The following ICA1L variants were observed in gnomAD, a reference collection of about 807,000 sequenced individuals.
ICA1L encodes the protein islet cell autoantigen 1-like protein.
In ICA1L, 50 loss-of-function variants were observed where a neutral mutation model predicts 61.3. The ratio of observed to expected loss-of-function variants is 0.82; its 90% CI spans 0.65 to 1.03. The LOEUF is 1.03. ICA1L is among the 50% of genes least tolerant of loss of function. The probability of loss-of-function intolerance (pLI) is 0.00; values close to 1 mark genes in which losing one functional copy is unlikely to be tolerated. For missense variants in ICA1L, 508 were observed against 556.7 expected, an observed-to-expected ratio of 0.91 and a Z score of 0.88; for synonymous variants, 161 against 191.3, an observed-to-expected ratio of 0.84 and a Z score of 1.31.
chr2:202,822,802 C>T (rs1693735000), intron 3 of ICA1L, among the ~76,000 whole-genome samples: 1 of 152,194 alleles, frequency 6.6e-6, no homozygotes, highest in African/African-American at 2.4e-5. Context: ...ACCCCTGTCC[C>T]CGCTGCCATG....
intron 1 of ICA1L, among the ~76,000 whole-genome samples, chr2:202,861,776 T>C (rs1694922357): frequency 1.3e-5 from 2 of 148,820 alleles, no homozygotes; most frequent in South Asian, 2.1e-4. Flanking sequence ...TCCCAGCTAC[T>C]GGGAAGGCTG....
At chr2:202,852,948 G>A (rs1314993019) in intron 1 of ICA1L, among the ~76,000 whole-genome samples, 1 of 151,766 alleles carries the variant, frequency 6.6e-6, no homozygotes, top group Non-Finnish European at 1.5e-5. Flanking sequence ...ACAAGAAATG[G>A]GGAAAGGAGT....
chr2:202,853,354 CA>C (rs565006368), intron 1 of ICA1L, among the ~76,000 whole-genome samples: 12,847 of 94,318 alleles, frequency 0.14, 603 homozygotes, highest in Middle Eastern at 0.19. Flanking sequence ...GAGACTCCGT[CA>C]AAAAAAAAAA....
intron 1 of ICA1L, among the ~76,000 whole-genome samples, chr2:202,863,857 G>A (rs931984875): frequency 4.0e-5 from 6 of 150,092 alleles, no homozygotes; most frequent in South Asian, 4.2e-4. Context: ...AAGAAGGAAC[G>A]TCACTATAGA....
chr2:202,841,733 C>T, intron 1 of ICA1L: 2 of 500,210 alleles, frequency 4.0e-6, no homozygotes, highest in Non-Finnish European at 7.8e-6. Flanking sequence ...GCCAGAGGAC[C>T]ACCTCTGGTG....
At chr2:202,789,561 C>T in intron 10 of ICA1L, among the ~76,000 whole-genome samples, 2 of 152,146 alleles carry the variant, frequency 1.3e-5, no homozygotes, top group South Asian at 4.1e-4. Context: ...TATACTAAGG[C>T]ACACACACAC....
chr2:202,789,084 GC>G lies in ICA1L; in HGVS notation c.988del (p.Ala330GlnfsTer6). 6.2e-7 allele frequency: 1 copy of G among 1,605,018 alleles called. No individual in the cohort carries two copies. On this transcript the variant is annotated frameshift_variant and splice_region_variant, in exon 11 of 13. Coordinates refer to ENST00000358299, the MANE Select transcript of ICA1L (RefSeq NM_001288622.3). LOFTEE classifies it high-confidence loss of function. ...CAATGAATCTACAGGTAGATCTTTTGCAACTATTGAGTGTAAATAAAAACAG... is the reference window on the plus strand; with the variant it reads ...CAATGAATCTACAGGTAGATCTTTTGAACTATTGAGTGTAAATAAAAACAG... ...APQFSNSENV[A>X]KDLPVDSLEG...
rs918201865 is a variant in ICA1L, at chr2:202,849,230, T to A, written c.-7-20214A>T. Among the ~76,000 whole-genome samples the A allele has an allele frequency of 1.3e-5, 2 of 150,294 alleles. No individual in the cohort carries two copies. The highest frequency in any genetic ancestry group is 3.0e-5 in the Non-Finnish European group (2 of 67,580). On this transcript the variant is annotated intron_variant, in intron 1 of 12. Transcript: ENST00000358299. This position sits in a 1 kb window ranked among gnomAD's most constrained non-coding sequence, Gnocchi z 4.5. ...CAGACACCGAGCTAGCTGCAGGAGG[T>A]TTTTGTTTTTGTTTTTGTACCCCAG... is the stretch of plus-strand genomic sequence containing the variant.
At chr2:202,828,172 G>A (rs1380997126) in intron 2 of ICA1L, among the ~76,000 whole-genome samples, 4 of 151,150 alleles carry the variant, frequency 2.6e-5, no homozygotes, top group Non-Finnish European at 5.9e-5. Flanking sequence ...GCTGAGGCAG[G>A]AGAATCCCTT....
intron 2 of ICA1L, among the ~76,000 whole-genome samples, chr2:202,826,789 A>G (rs1279037090): frequency 6.6e-6 from 1 of 150,976 alleles, no homozygotes; most frequent in Non-Finnish European, 1.5e-5. Context: ...TTCAGAATCT[A>G]CACTAAATAA....
At chr2:202,809,222 A>G (rs985777097) in intron 9 of ICA1L, among the ~76,000 whole-genome samples, 3 of 151,988 alleles carry the variant, frequency 2.0e-5, no homozygotes, top group Non-Finnish European at 4.4e-5. Context: ...AATCAAGCAG[A>G]AATTCCAGAG....
At chr2:202,831,257 T>C (rs947524949) in intron 1 of ICA1L, among the ~76,000 whole-genome samples, 2 of 152,192 alleles carry the variant, frequency 1.3e-5, no homozygotes, top group Admixed American at 6.5e-5. Context: ...TCTCTGGACA[T>C]AATTTGGAAT....
At chr2:202,814,805 G>A in intron 7 of ICA1L, 21 bp from the exon 8 acceptor site, 1 of 1,479,138 alleles carries the variant, frequency 6.8e-7, no homozygotes, top group East Asian at 2.3e-5. Context: ...GAAAGTCAAT[G>A]TTAAGTATAT....
chr2:202,859,777 T>A (rs960610799), intron 1 of ICA1L, among the ~76,000 whole-genome samples: 9 of 152,198 alleles, frequency 5.9e-5, no homozygotes, highest in African/African-American at 2.2e-4. Context: ...CCTGATAATC[T>A]TAGTACTACT....
At chr2:202,830,531 T>C (rs892269504) in intron 1 of ICA1L, among the ~76,000 whole-genome samples, 2 of 152,210 alleles carry the variant, frequency 1.3e-5, no homozygotes, top group African/African-American at 2.4e-5. Context: ...TAAATACTAA[T>C]AACATTTTGG....
rs755962113 is a variant in ICA1L at position 202,779,653 on chromosome 2, TA to T, written c.1334-6del. The T allele has an allele frequency of 1.3e-6, 2 of 1,547,178 alleles. No individual in the cohort carries two copies. Among genetic ancestry groups the T allele is most frequent in the Middle Eastern group, 1.7e-4 (1 of 5,890 alleles). ...CTTGGTTGCCATTGTTGGGGGCTAT[TA>T]AAAAAGAAAAAAAATACATTAAAGA... On this transcript the variant is annotated splice_polypyrimidine_tract_variant and splice_region_variant and intron_variant, in intron 12 of 12. Transcript: ENST00000358299.
intron 10 of ICA1L, among the ~76,000 whole-genome samples, chr2:202,796,282 G>A (rs774708028): frequency 2.0e-5 from 3 of 152,088 alleles, no homozygotes; most frequent in Non-Finnish European, 4.4e-5. Flanking sequence ...TAACCAATTG[G>A]ACTGTATTTA....
At chr2:202,850,791 C>T (rs114372659) in intron 1 of ICA1L, among the ~76,000 whole-genome samples, 13,536 of 152,058 alleles carry the variant, frequency 0.089, 738 homozygotes, top group Non-Finnish European at 0.12. Context: ...ACAGAGAACA[C>T]CACTTAAGAT....
At chr2:202,848,302 G>T (rs1694522017) in intron 1 of ICA1L, among the ~76,000 whole-genome samples, 1 of 152,158 alleles carries the variant, frequency 6.6e-6, no homozygotes, top group Non-Finnish European at 1.5e-5. Context: ...CTATGTGAAA[G>T]TGCCAACATT....
Sources: allele counts gnomAD v4.1 joint callset (sites outside exome capture counted in the v4.1 genomes callset), GRCh38; gene constraint gnomAD v4.1.1; non-coding constraint Gnocchi (gnomAD v3.1); transcripts MANE v1.5; gene names NCBI Gene and HGNC (gene_info 2026-07-23, HGNC 2026-07-21).